Variants in LATS2 observed in about 807,000 individuals in gnomAD.
LATS2 encodes the protein large tumor suppressor kinase 2, also known as serine/threonine-protein kinase LATS2.
A neutral mutation model predicts 76.0 loss-of-function variants in LATS2; 24 were observed. The observed-to-expected ratio is 0.32, with a 90% CI of 0.23 to 0.44. The LOEUF is 0.44. Among genes scored for constraint, LATS2 ranks in the 20% least tolerant of loss-of-function variants. LATS2 has a pLI of 1.00. For missense variants in LATS2, 1,286 were observed against 1,481.2 expected (o/e 0.87, Z 2.16); for synonymous variants, 692 against 635.4 (o/e 1.09, Z -1.34).
intron 2 of LATS2, among the ~76,000 whole-genome samples, chr13:20,995,611 G>A (rs1870718652): frequency 6.6e-6 from 1 of 152,236 alleles, no homozygotes. Context: ...CTGCAAGCAG[G>A]GAGTAAGAAG....
chr13:20,993,828 A>C (rs1209943070), intron 2 of LATS2, among the ~76,000 whole-genome samples: 1 of 152,208 alleles, frequency 6.6e-6, no homozygotes, highest in Non-Finnish European at 1.5e-5. Flanking sequence ...GGAAGACACG[A>C]TATAAGACCA....
At chr13:20,986,812 T>A (rs1000062999) in intron 4 of LATS2, among the ~76,000 whole-genome samples, 1 of 152,158 alleles carries the variant, frequency 6.6e-6, no homozygotes, top group Non-Finnish European at 1.5e-5. Context: ...ATGGATACTC[T>A]AAATACCTTG....
intron 2 of LATS2, among the ~76,000 whole-genome samples, chr13:21,011,922 T>C (rs1202063907): frequency 6.6e-6 from 1 of 152,224 alleles, no homozygotes; most frequent in Admixed American, 6.5e-5. Context: ...ACATCATCAT[T>C]ATGTTCTTGG....
chr13:21,030,186 C>A (rs1321609711), intron 2 of LATS2, among the ~76,000 whole-genome samples: 1 of 151,926 alleles, frequency 6.6e-6, no homozygotes, highest in East Asian at 1.9e-4. Context: ...ATGCCCTACA[C>A]CCTATCTCCA....
chr13:21,031,597 A>C (rs1170988320), intron 2 of LATS2, among the ~76,000 whole-genome samples: 2 of 152,154 alleles, frequency 1.3e-5, no homozygotes, highest in Non-Finnish European at 2.9e-5. Flanking sequence ...CATGCCTGTA[A>C]TTCCAGCACT....
chr13:21,036,039 C>T (rs1274139901), intron 2 of LATS2, among the ~76,000 whole-genome samples: 1 of 152,194 alleles, frequency 6.6e-6, no homozygotes, highest in Non-Finnish European at 1.5e-5. Flanking sequence ...GCTGGGACTA[C>T]AAGCGTGTGA....
chr13:21,015,572 T>C (rs1176675452), intron 2 of LATS2, among the ~76,000 whole-genome samples: 1 of 152,250 alleles, frequency 6.6e-6, no homozygotes, highest in Non-Finnish European at 1.5e-5. Context: ...TGCCCAACTT[T>C]TAAAAGTTTC....
At chr13:20,985,882 C>CT (rs34151134) in intron 4 of LATS2, among the ~76,000 whole-genome samples, 127,154 of 152,058 alleles carry the variant, frequency 0.84, 53,770 homozygotes, top group East Asian at 1. Context: ...CCTGTCTCTA[C>CT]AAAAACATAA....
chr13:21,013,733 A>G (rs1195090258), intron 2 of LATS2, among the ~76,000 whole-genome samples: 1 of 152,182 alleles, frequency 6.6e-6, no homozygotes, highest in Non-Finnish European at 1.5e-5. Flanking sequence ...AAGGAGCCTG[A>G]GGCAGGAGGA....
At position 20,974,873 on chromosome 13, in the gene LATS2, C is replaced by A; in HGVS notation, c.3264G>T (p.Val1088=). The change falls in exon 8 of 8, where the codon GTG becomes GTT. Residue 1088 remains valine, a synonymous_variant. Coordinates refer to ENST00000382592, the MANE Select transcript of LATS2 (RefSeq NM_014572.3). ...GGTGGGGGTGCCTGGCCCCCATCTA[C>A]ACGTACACAGGCTGGCAGCCTTCAG... ...DQTEGCQPVY[V] is the part of the protein sequence containing the mutation. The A allele has an allele frequency of 1.9e-6, 3 of 1,608,252 alleles. No homozygotes were observed. Among genetic ancestry groups the A allele is most frequent in the South Asian group, 2.2e-5 (2 of 90,190 alleles).
chr13:20,984,059 T>C (rs146923938), intron 4 of LATS2, among the ~76,000 whole-genome samples: 133 of 152,268 alleles, frequency 8.7e-4, no homozygotes, highest in African/African-American at 3.2e-3. Context: ...GCCTCCCGAG[T>C]AGCTGGGACT....
In LATS2 at chr13:20,989,065, C is replaced by G. The variant is rs769991034; in HGVS notation, c.715G>C (p.Val239Leu). 2.5e-6 allele frequency: 4 copies of G among 1,585,058 alleles called. No individual in the cohort carries two copies. Among genetic ancestry groups the G allele is most frequent in the Admixed American group, 3.5e-5 (2 of 56,432 alleles). The stretch of plus-strand genomic sequence containing the variant: ...GGGAAGTGTGCCCCTGCTGCCTCTA[C>G]GCTGGCACCGTAGCCCTTGGGTGGG... ...QHPPKGYGAS[V>L]EAAGAHFPLQ... The change falls in exon 4 of 8, where the codon GTA (valine) becomes CTA (leucine). Residue 239 changes from valine (V) to leucine (L), a missense_variant. Transcript: ENST00000382592.
chr13:21,057,324 CAA>C (rs1219387486), intron 1 of LATS2, among the ~76,000 whole-genome samples: 1 of 152,104 alleles, frequency 6.6e-6, no homozygotes, highest in African/African-American at 2.4e-5. Flanking sequence ...GTCACACAAA[CAA>C]AAAGTATTTG....
At chr13:21,017,331 T>A (rs1871841485) in intron 2 of LATS2, among the ~76,000 whole-genome samples, 1 of 152,164 alleles carries the variant, frequency 6.6e-6, no homozygotes, top group African/African-American at 2.4e-5. Context: ...TGCAATCCTT[T>A]TTCTTTTTTT....
chr13:20,979,904 G>T, intron 6 of LATS2, 107 bp from the exon 7 acceptor site: 1 of 651,192 alleles, frequency 1.5e-6, no homozygotes, highest in Non-Finnish European at 2.7e-6. Flanking sequence ...GGGAAAGCGC[G>T]TTGAAGCATC....
chr13:20,990,856 G>A (rs775504826), intron 3 of LATS2, among the ~76,000 whole-genome samples: 58 of 152,198 alleles, frequency 3.8e-4, no homozygotes, highest in Non-Finnish European at 6.2e-4. Flanking sequence ...CAGAAGCTAC[G>A]ATGTGAGAGA....
chr13:21,030,888 C>T (rs574628610), intron 2 of LATS2, among the ~76,000 whole-genome samples: 110 of 149,504 alleles, frequency 7.4e-4, no homozygotes, highest in African/African-American at 2.3e-3. Flanking sequence ...TTTAATATTT[C>T]TTTTAATACA....
intron 2 of LATS2, among the ~76,000 whole-genome samples, chr13:21,036,678 C>G (rs1872691833): frequency 6.6e-6 from 1 of 152,022 alleles, no homozygotes; most frequent in Non-Finnish European, 1.5e-5. Context: ...GAGGCTGAAG[C>G]AGGAGAATTG....
chr13:20,993,957 C>T (rs1457913759), intron 2 of LATS2, among the ~76,000 whole-genome samples: 2 of 152,222 alleles, frequency 1.3e-5, no homozygotes, highest in Admixed American at 6.5e-5. Context: ...TCATCTGAAA[C>T]GTGACCAACG....
Sources: allele counts gnomAD v4.1 joint callset (sites outside exome capture counted in the v4.1 genomes callset), GRCh38; gene constraint gnomAD v4.1.1; transcripts MANE v1.5; gene names NCBI Gene and HGNC (gene_info 2026-07-23, HGNC 2026-07-21).